The following PP2D1 variants were observed in gnomAD, a reference collection of about 807,000 sequenced individuals.
The protein encoded by PP2D1 is protein phosphatase 2C-like domain-containing protein 1.
A neutral mutation model predicts 30.2 loss-of-function variants in PP2D1; 25 were observed. The ratio of observed to expected loss-of-function variants is 0.83; its 90% CI spans 0.60 to 1.16. The LOEUF (loss-of-function observed/expected upper bound fraction) is 1.16. Among genes scored for constraint, PP2D1 ranks in the 50% most tolerant of loss-of-function variants. The pLI is 0.00. For missense variants in PP2D1, 760 were observed against 742.4 expected (o/e 1.02, Z -0.28); for synonymous variants, 260 against 258.9 (o/e 1.00, Z -0.04).
At chr3:19,993,322 C>A (rs1697140016) in intron 2 of PP2D1, among the ~76,000 whole-genome samples, 1 of 152,116 alleles carries the variant, frequency 6.6e-6, no homozygotes. Context: ...AAGTAAATAT[C>A]CTGGATAATA....
intron 1 of PP2D1, among the ~76,000 whole-genome samples, chr3:20,010,367 T>A (rs188104982): frequency 9.2e-5 from 14 of 152,194 alleles, no homozygotes; most frequent in African/African-American, 3.4e-4. Context: ...AAGTGCCGAT[T>A]TACAGGTGTG....
At chr3:19,988,291 G>C (rs1293185352) in intron 2 of PP2D1, among the ~76,000 whole-genome samples, 3 of 152,190 alleles carry the variant, frequency 2.0e-5, no homozygotes, top group Non-Finnish European at 2.9e-5. Flanking sequence ...CCCTGAGAAA[G>C]AGAATGCATT....
At chr3:19,986,773 G>A (rs1175990990) in intron 2 of PP2D1, among the ~76,000 whole-genome samples, 2 of 152,122 alleles carry the variant, frequency 1.3e-5, no homozygotes, top group Admixed American at 6.5e-5. Context: ...GGTGGCTCAA[G>A]CCTTTAATCC....
chr3:20,002,580 A>G (rs919688694), intron 1 of PP2D1, among the ~76,000 whole-genome samples: 2 of 152,178 alleles, frequency 1.3e-5, no homozygotes, highest in African/African-American at 4.8e-5. Flanking sequence ...TGTTTTTGTG[A>G]TGCTGGTGTC....
chr3:19,981,426 C>CAA (rs1193007760), downstream of PP2D1, among the ~76,000 whole-genome samples: 2 of 152,084 alleles, frequency 1.3e-5, no homozygotes, highest in African/African-American at 4.8e-5. Flanking sequence ...CAAGCCGGGC[C>CAA]AACATGTCGA....
chr3:19,998,228 G>C (rs1697206685), intron 2 of PP2D1, among the ~76,000 whole-genome samples: 1 of 152,086 alleles, frequency 6.6e-6, no homozygotes, highest in Non-Finnish European at 1.5e-5. Flanking sequence ...TACTCAGAAG[G>C]CTGAGGCAGG....
At chr3:19,988,863 G>A (rs542820158) in intron 2 of PP2D1, among the ~76,000 whole-genome samples, 1 of 152,278 alleles carries the variant, frequency 6.6e-6, no homozygotes, top group Admixed American at 6.5e-5. Context: ...ATGCACACCT[G>A]TAATCCCAGT....
intron 2 of PP2D1, among the ~76,000 whole-genome samples, chr3:19,995,044 T>C (rs1375938083): frequency 6.6e-6 from 1 of 152,160 alleles, no homozygotes; most frequent in Non-Finnish European, 1.5e-5. Context: ...TAGTAGAGAA[T>C]AATTGGACCA....
chr3:19,991,281 C>T (rs1697116496), intron 2 of PP2D1, among the ~76,000 whole-genome samples: 1 of 152,114 alleles, frequency 6.6e-6, no homozygotes, highest in Admixed American at 6.6e-5. Flanking sequence ...GGGTTATCAC[C>T]AACTTTTGTG....
chr3:19,981,164 A>G (rs944655438), downstream of PP2D1, among the ~76,000 whole-genome samples: 2 of 152,184 alleles, frequency 1.3e-5, no homozygotes, highest in Non-Finnish European at 2.9e-5. Context: ...CACATCAAGG[A>G]TCTTATGTAT....
chr3:20,004,209 A>T (rs2948102), intron 1 of PP2D1, among the ~76,000 whole-genome samples: 85,746 of 151,982 alleles, frequency 0.56, 24,477 homozygotes, highest in African/African-American at 0.63. Context: ...ACAAATACTT[A>T]CCATGTGTTA....
At position 19,985,813 on chromosome 3, in the gene PP2D1, T is replaced by C. The variant is rs1164896394; in HGVS notation, c.1460A>G (p.Asn487Ser). ...YKETYCPIIP[N>S]KSPSKGPLLF... ...CAGAGGCCCTTTGGATGGTGATTTG[T>C]TAGGTATGATAGGACAGTATGTTTC... The change falls in exon 3 of 3, where the codon AAC becomes AGC. Residue 487 changes from asparagine to serine, a missense_variant. Physicochemically the swap from Asn to Ser is conservative, Grantham distance 46 (BLOSUM62 1). This residue lies in a region of PP2D1 where 369 missense variants were observed against 316.2 expected (regional missense o/e 1.17). Coordinates refer to ENST00000389050, the MANE Select transcript of PP2D1 (RefSeq NM_001252657.2). The C allele has an allele frequency of 1.3e-6, 2 of 1,536,008 alleles. No homozygotes were observed. Among genetic ancestry groups the C allele is most frequent in the East Asian group, 4.9e-5 (2 of 40,914 alleles).
At chr3:20,000,331 C>A (rs550229595) in intron 2 of PP2D1, among the ~76,000 whole-genome samples, 40 of 152,254 alleles carry the variant, frequency 2.6e-4, no homozygotes, top group Non-Finnish European at 4.9e-4. Context: ...TGGACACTAT[C>A]ATTAATGATA....
At chr3:19,996,622 C>G (rs1324099850) in intron 2 of PP2D1, among the ~76,000 whole-genome samples, 1 of 152,070 alleles carries the variant, frequency 6.6e-6, no homozygotes, top group Non-Finnish European at 1.5e-5. Flanking sequence ...AGAAAACACA[C>G]AACAACAAAG....
Position 20,001,242 on chromosome 3 carries a change from A to G in PP2D1, c.878T>C (p.Met293Thr), listed in dbSNP as rs770616864. Residue 293 changes from methionine to threonine, a missense_variant, in exon 2 of 3, where the codon ATG becomes ACG. Physicochemically the swap from Met to Thr is moderately conservative, Grantham distance 81 (BLOSUM62 -1). This residue lies in a region of PP2D1 where 374 missense variants were observed against 388.8 expected (regional missense o/e 0.96). Coordinates refer to ENST00000389050, the MANE Select transcript of PP2D1 (RefSeq NM_001252657.2). ...HKAFAKAFWRMDRLLGLGRKE... is the reference protein window; with the variant it reads ...HKAFAKAFWRTDRLLGLGRKE... The stretch of plus-strand genomic sequence containing the variant: ...TCTTCCAAGACCTAAAAGCCTATCC[A>G]TTCTCCAAAATGCTTTTGCAAAGGC... 4 of 1,536,054 alleles carry G rather than the reference A, an allele frequency of 2.6e-6. No homozygotes were observed. Among genetic ancestry groups the G allele is most frequent in the Non-Finnish European group, 3.5e-6 (4 of 1,146,876 alleles).
intron 2 of PP2D1, among the ~76,000 whole-genome samples, chr3:19,999,654 G>C (rs528011062): frequency 6.6e-6 from 1 of 152,098 alleles, no homozygotes; most frequent in East Asian, 1.9e-4. Flanking sequence ...CTCCCAAAGT[G>C]CTGGAATTAC....
In PP2D1 at chr3:20,012,035, T is replaced by C; in HGVS notation, c.23+15A>G. The stretch of plus-strand genomic sequence containing the variant: ...GGCTATACGTATTATCCAAAAAAGA[T>C]TTAAGAAAGTTTACCTTAAAGCATT... On this transcript the variant is annotated intron_variant, in intron 1 of 2. Transcript: ENST00000389050. 2.0e-6 allele frequency: 3 copies of C among 1,526,058 alleles called. No individual in the cohort carries two copies. The highest frequency in any genetic ancestry group is 4.9e-5 in the East Asian group (2 of 40,790). The allele number at this position is 1,526,058 out of a possible 1,614,324, so 94.5% of individuals were successfully genotyped here.
Position 19,985,796 on chromosome 3 carries a change from C to T in PP2D1, c.1477G>A (p.Gly493Arg), listed in dbSNP as rs1559495548. 2.0e-6 allele frequency: 3 copies of T among 1,536,046 alleles called. No individual in the cohort carries two copies. The highest frequency in any genetic ancestry group is 4.9e-5 in the East Asian group (2 of 40,904). ...TCACTGGTTGAAAAAAGCAGAGGCC[C>T]TTTGGATGGTGATTTGTTAGGTATG... The part of the protein sequence containing the change: ...PIIPNKSPSK[G>R]PLLFSTSEPN... The change falls in exon 3 of 3, where the codon GGG becomes AGG. Residue 493 changes from glycine to arginine, a missense_variant. Gly to Arg is a moderately radical substitution (Grantham distance 125). This residue lies in a region of PP2D1 where 369 missense variants were observed against 316.2 expected (regional missense o/e 1.17). Transcript: ENST00000389050.
intron 2 of PP2D1, among the ~76,000 whole-genome samples, chr3:19,989,425 G>A (rs1385250856): frequency 6.6e-6 from 1 of 152,190 alleles, no homozygotes; most frequent in African/African-American, 2.4e-5. Context: ...CTACTGGATT[G>A]GGACTAAAAG....
Sources: allele counts gnomAD v4.1 joint callset (sites outside exome capture counted in the v4.1 genomes callset), GRCh38; gene constraint gnomAD v4.1.1; regional missense constraint gnomAD v4.1.1; transcripts MANE v1.5; gene names NCBI Gene and HGNC (gene_info 2026-07-23, HGNC 2026-07-21).